SGCD: variants seen among roughly 807,000 people sequenced by gnomAD.
The protein encoded by SGCD is delta-sarcoglycan.
Under a neutral mutation model 36.6 loss-of-function variants are expected in SGCD, and 18 were observed. The observed-to-expected ratio is 0.49, with a 90% CI of 0.34 to 0.73. The LOEUF (loss-of-function observed/expected upper bound fraction) is 0.73. SGCD is among the 30% of genes least tolerant of loss of function. The pLI, the probability that SGCD is intolerant of heterozygous loss-of-function variation, is 0.01. For synonymous variants in SGCD, 133 were observed against 130.6 expected (o/e 1.02, Z -0.12); for missense variants, 387 against 346.7 (o/e 1.12, Z -0.92).
intron 5 of SGCD, among the ~76,000 whole-genome samples, chr5:156,594,644 A>G (rs1249630516): frequency 6.6e-6 from 1 of 152,176 alleles, no homozygotes; most frequent in Non-Finnish European, 1.5e-5. Context: ...AGCTGAGGGA[A>G]ATCACAGTCA....
intron 3 of SGCD, among the ~76,000 whole-genome samples, chr5:156,493,310 T>G (rs1250374535): frequency 6.6e-6 from 1 of 152,186 alleles, no homozygotes; most frequent in Non-Finnish European, 1.5e-5. Flanking sequence ...TTGTTAAATA[T>G]AGTCATCATG....
intron 5 of SGCD, among the ~76,000 whole-genome samples, chr5:156,592,155 G>C (rs1365615983): frequency 6.7e-6 from 1 of 150,010 alleles, no homozygotes; most frequent in African/African-American, 2.5e-5. Context: ...TAACTCCTCA[G>C]GGACCAGGAT....
chr5:156,075,335 AAACTT>A (rs1430104420), intron 1 of SGCD, among the ~76,000 whole-genome samples: 27 of 152,216 alleles, frequency 1.8e-4, no homozygotes, highest in Middle Eastern at 3.2e-3. Context: ...AATAGTGAAA[AAACTT>A]AAAAGAGTAA....
At chr5:156,390,185 T>TAG (rs1771489732) in intron 3 of SGCD, among the ~76,000 whole-genome samples, 1 of 149,996 alleles carries the variant, frequency 6.7e-6, no homozygotes, top group Non-Finnish European at 1.5e-5. Context: ...ATACTTTTTA[T>TAG]TATTTTAGAG....
chr5:156,185,428 A>G (rs1419463884), intron 3 of SGCD, among the ~76,000 whole-genome samples: 1 of 151,734 alleles, frequency 6.6e-6, no homozygotes, highest in Non-Finnish European at 1.5e-5. Flanking sequence ...GTTAGCCAGG[A>G]TGGTCTCGAT....
At chr5:156,177,437 C>G (rs1372732383) in intron 3 of SGCD, among the ~76,000 whole-genome samples, 1 of 152,044 alleles carries the variant, frequency 6.6e-6, no homozygotes, top group Admixed American at 6.6e-5. Flanking sequence ...TTGGGTTTAT[C>G]TTATTGAGCT....
At chr5:156,504,112 G>A (rs898964479) in intron 3 of SGCD, among the ~76,000 whole-genome samples, 2 of 151,558 alleles carry the variant, frequency 1.3e-5, no homozygotes, top group East Asian at 3.9e-4. Context: ...GCTGAGGTAG[G>A]AGAATCACTT....
chr5:156,471,730 T>C (rs1246978774), intron 3 of SGCD, among the ~76,000 whole-genome samples: 1 of 152,114 alleles, frequency 6.6e-6, no homozygotes, highest in African/African-American at 2.4e-5. Context: ...CTTTATAAGT[T>C]TGAGAGTCAA....
intron 3 of SGCD, among the ~76,000 whole-genome samples, chr5:156,385,816 A>AT (rs1771246736): frequency 6.6e-6 from 1 of 152,184 alleles, no homozygotes; most frequent in African/African-American, 2.4e-5. Flanking sequence ...CGACATTCCC[A>AT]TTTTTTGAGC....
At chr5:156,001,678 T>G (rs949447022) in intron 1 of SGCD, among the ~76,000 whole-genome samples, 1 of 152,242 alleles carries the variant, frequency 6.6e-6, no homozygotes, top group East Asian at 1.9e-4. Context: ...TAAATGCGTT[T>G]TTTTGGCCAG....
At chr5:156,565,614 G>A (rs1250517440) in intron 4 of SGCD, among the ~76,000 whole-genome samples, 3 of 152,052 alleles carry the variant, frequency 2.0e-5, no homozygotes, top group Non-Finnish European at 4.4e-5. Context: ...TGTTACAAAG[G>A]TATATACGTG....
intron 3 of SGCD, among the ~76,000 whole-genome samples, chr5:156,157,657 G>A (rs558594311): frequency 6.6e-6 from 1 of 151,660 alleles, no homozygotes; most frequent in African/African-American, 2.4e-5. Context: ...CTCCATTCTG[G>A]TTGTCTTCTC....
chr5:156,289,822 G>C (rs912647147), intron 3 of SGCD, among the ~76,000 whole-genome samples: 3 of 151,964 alleles, frequency 2.0e-5, no homozygotes, highest in Admixed American at 2.0e-4. Context: ...CCTGGCTCCA[G>C]TTCAATTCAA....
chr5:156,462,452 G>A (rs1754526771), intron 3 of SGCD, among the ~76,000 whole-genome samples: 1 of 151,986 alleles, frequency 6.6e-6, no homozygotes, highest in Admixed American at 6.6e-5. Flanking sequence ...CTTAACTATT[G>A]GAGAAATCAA....
At chr5:155,936,152 T>C (rs564486663) in intron 1 of SGCD, among the ~76,000 whole-genome samples, 1 of 152,288 alleles carries the variant, frequency 6.6e-6, no homozygotes, top group South Asian at 2.1e-4. Context: ...GCAGCTCTTC[T>C]TTCCTTCTCT....
chr5:155,809,716 T>C, the SGCD span, among the ~76,000 whole-genome samples: 1 of 152,180 alleles, frequency 6.6e-6, no homozygotes, highest in East Asian at 1.9e-4. Context: ...ATGAGCATCA[T>C]GTGGAGAATA....
intron 3 of SGCD, among the ~76,000 whole-genome samples, chr5:156,224,173 A>G (rs1561572716): frequency 6.6e-6 from 1 of 151,974 alleles, no homozygotes; most frequent in Non-Finnish European, 1.5e-5. Flanking sequence ...GGCAACATTG[A>G]GGTGCAGGGA....
intron 3 of SGCD, among the ~76,000 whole-genome samples, chr5:156,498,694 A>G (rs1182834390): frequency 6.6e-6 from 1 of 152,200 alleles, no homozygotes; most frequent in Non-Finnish European, 1.5e-5. Context: ...GGTGGTTTCC[A>G]CATTTTGGCT....
At chr5:155,761,790 C>A in the SGCD span, among the ~76,000 whole-genome samples, 4 of 151,564 alleles carry the variant, frequency 2.6e-5, no homozygotes, top group East Asian at 7.8e-4. Flanking sequence ...ATCTCCATCA[C>A]CATCTCCATC....
Sources: allele counts gnomAD v4.1 joint callset (sites outside exome capture counted in the v4.1 genomes callset), GRCh38; gene constraint gnomAD v4.1.1; transcripts MANE v1.5; gene names NCBI Gene and HGNC (gene_info 2026-07-23, HGNC 2026-07-21).